The following KCNH7 variants were observed in gnomAD, a reference collection of about 807,000 sequenced individuals.
The protein encoded by KCNH7 is voltage-gated inwardly rectifying potassium channel KCNH7.
Under a neutral mutation model 120.8 loss-of-function variants are expected in KCNH7, and 49 were observed. That is an observed-to-expected ratio of 0.41 (90% CI 0.32 to 0.51). The LOEUF (loss-of-function observed/expected upper bound fraction) is 0.51. Ranked by LOEUF, KCNH7 falls within the 20% of genes least tolerant of loss-of-function variation. The probability of loss-of-function intolerance (pLI) is 0.38; values close to 1 mark genes in which losing one functional copy is unlikely to be tolerated. For missense variants in KCNH7, 1,097 were observed against 1,446.6 expected, an observed-to-expected ratio of 0.76 and a Z score of 3.92; for synonymous variants, 547 against 516.1, an observed-to-expected ratio of 1.06 and a Z score of -0.81.
chr2:162,570,734 G>T (rs569253764), intron 2 of KCNH7, among the ~76,000 whole-genome samples: 13 of 151,998 alleles, frequency 8.6e-5, no homozygotes, highest in African/African-American at 3.1e-4. Flanking sequence ...TGCAAGGCTG[G>T]TTCAATATAT....
intron 6 of KCNH7, among the ~76,000 whole-genome samples, chr2:162,478,474 T>C (rs1225395925): frequency 6.6e-6 from 1 of 152,176 alleles, no homozygotes; most frequent in Admixed American, 6.6e-5. Context: ...ACAATTTTAA[T>C]TACAATATTT....
At chr2:162,808,269 T>C (rs1684618121) in intron 2 of KCNH7, among the ~76,000 whole-genome samples, 1 of 152,190 alleles carries the variant, frequency 6.6e-6, no homozygotes, top group Non-Finnish European at 1.5e-5. Flanking sequence ...GATCCATAGT[T>C]AGTTGACTCT....
At chr2:162,646,475 G>T (rs1684362220) in intron 2 of KCNH7, among the ~76,000 whole-genome samples, 1 of 152,180 alleles carries the variant, frequency 6.6e-6, no homozygotes, top group Admixed American at 6.5e-5. Context: ...AATATAATGA[G>T]ATACCACTCT....
rs568798116 is a variant in KCNH7, at chr2:162,432,905, C to T, written c.1954+2293G>A. ...GATAATATTATTCTCTTCCTATAAA[C>T]AACCAAAAATATTCTAGAAATGATA... On this transcript the variant is annotated intron_variant, in intron 8 of 15. Transcript: ENST00000332142. Among the ~76,000 whole-genome samples, 8 of 152,034 alleles carry T rather than the reference C, an allele frequency of 5.3e-5. No individual in the cohort carries two copies. In the South Asian group the frequency reaches 1.7e-3, roughly 31 times the overall value.
At chr2:162,497,513 C>G (rs1690534160) in intron 6 of KCNH7, among the ~76,000 whole-genome samples, 1 of 152,184 alleles carries the variant, frequency 6.6e-6, no homozygotes, top group Non-Finnish European at 1.5e-5. Context: ...TTTGGTGTCA[C>G]AGTCAAATGT....
At chr2:162,489,532 C>G (rs1690221263) in intron 6 of KCNH7, among the ~76,000 whole-genome samples, 1 of 152,094 alleles carries the variant, frequency 6.6e-6, no homozygotes, top group Non-Finnish European at 1.5e-5. Context: ...CCAGAGACGA[C>G]TAGAAAACAT....
At chr2:162,805,731 G>A (rs1251646042) in intron 2 of KCNH7, among the ~76,000 whole-genome samples, 3 of 152,022 alleles carry the variant, frequency 2.0e-5, no homozygotes, top group African/African-American at 7.2e-5. Context: ...TTCCACTACT[G>A]GATATCTATC....
In KCNH7 at chr2:162,450,599, T is replaced by G. The variant is rs573914640; in HGVS notation, c.1129-4156A>C. ...GTTATTAGGTAATCATCTTAATGAT[T>G]CAGAAGATTCTTATATTTATTGTTT... On this transcript the variant is annotated intron_variant, in intron 6 of 15. Transcript: ENST00000332142. Among the ~76,000 whole-genome samples, 7 of 152,214 alleles carry G rather than the reference T, an allele frequency of 4.6e-5. No individual in the cohort carries two copies. In the South Asian group the frequency reaches 1.5e-3, roughly 32 times the overall value.
Position 162,379,833 on chromosome 2 carries a change from T to C in KCNH7, c.3131+20A>G. 6.2e-7 allele frequency: 1 copy of C among 1,612,116 alleles called. No homozygotes were observed. The highest frequency in any genetic ancestry group is 2.2e-5 in the East Asian group (1 of 44,842). ...TAAGGGGTTGGGTTATGTTCTCCTT[T>C]TGCCCATCACTGCTTATACCTGTTA... On this transcript the variant is annotated intron_variant, in intron 14 of 15. Coordinates refer to ENST00000332142, the MANE Select transcript of KCNH7 (RefSeq NM_033272.4).
rs903429872 is a variant in KCNH7 at position 162,572,261 on chromosome 2, G to C, written c.308-35181C>G. ...GGACATGAACAGACACTTCTCAAAG[G>C]AAGACATTTATGCAGCCAAAAAACA... On this transcript the variant is annotated intron_variant, in intron 2 of 15. Coordinates refer to ENST00000332142, the MANE Select transcript of KCNH7 (RefSeq NM_033272.4). Among the ~76,000 whole-genome samples, 8 of 151,296 alleles carry C rather than the reference G, an allele frequency of 5.3e-5. No homozygotes were observed. The East Asian group carries it at 1.4e-3, about 26-fold the overall frequency.
intron 2 of KCNH7, among the ~76,000 whole-genome samples, chr2:162,767,289 A>T: frequency 6.6e-6 from 1 of 152,154 alleles, no homozygotes; most frequent in Non-Finnish European, 1.5e-5. Context: ...ATAAAAAAAT[A>T]AGCAGTATAT....
At chr2:162,568,380 G>A (rs1693334195) in intron 2 of KCNH7, among the ~76,000 whole-genome samples, 1 of 151,988 alleles carries the variant, frequency 6.6e-6, no homozygotes, top group South Asian at 2.1e-4. Flanking sequence ...TACAGCTTAG[G>A]TGTATAGTAG....
chr2:162,765,161 A>G (rs1682738980), intron 2 of KCNH7, among the ~76,000 whole-genome samples: 1 of 152,162 alleles, frequency 6.6e-6, no homozygotes, highest in Admixed American at 6.6e-5. Context: ...TCTTCAGGGA[A>G]CAAGGTGGAA....
chr2:162,653,140 A>C (rs1684626803), intron 2 of KCNH7, among the ~76,000 whole-genome samples: 1 of 152,228 alleles, frequency 6.6e-6, no homozygotes, highest in Non-Finnish European at 1.5e-5. Context: ...TATGCCACCT[A>C]ACTACATATT....
At chr2:162,582,528 T>A (rs1693907850) in intron 2 of KCNH7, among the ~76,000 whole-genome samples, 1 of 152,056 alleles carries the variant, frequency 6.6e-6, no homozygotes, top group Non-Finnish European at 1.5e-5. Flanking sequence ...ATACAGCGCT[T>A]TGACTCTGCA....
At chr2:162,378,253 G>C (rs1028950668) in intron 14 of KCNH7, among the ~76,000 whole-genome samples, 1 of 152,192 alleles carries the variant, frequency 6.6e-6, no homozygotes, top group African/African-American at 2.4e-5. Context: ...ATGAGTCAAA[G>C]TAGGAAATGG....
At chr2:162,728,576 C>T (rs746246295) in intron 2 of KCNH7, among the ~76,000 whole-genome samples, 41 of 152,038 alleles carry the variant, frequency 2.7e-4, no homozygotes, top group East Asian at 5.8e-4. Context: ...GTCAGGAGTT[C>T]GAGACCAGCC....
At chr2:162,459,007 A>AAATGATAAT (rs1553478962) in intron 6 of KCNH7, among the ~76,000 whole-genome samples, 1 of 134,842 alleles carries the variant, frequency 7.4e-6, no homozygotes, top group Admixed American at 7.7e-5. Context: ...TTCTGTTTCA[A>AAATGATAAT]AATAATAATA....
At chr2:162,421,155 C>G (rs1443244322) in intron 9 of KCNH7, among the ~76,000 whole-genome samples, 1 of 152,010 alleles carries the variant, frequency 6.6e-6, no homozygotes, top group Non-Finnish European at 1.5e-5. Context: ...CTCTCAAAAC[C>G]ACATGCAAGA....
Sources: gnomAD v4.1 joint callset for allele counts (sites outside exome capture counted in the v4.1 genomes callset) on GRCh38, gnomAD v4.1.1 for gene constraint, MANE v1.5 for transcripts, NCBI Gene and HGNC (gene_info 2026-07-23, HGNC 2026-07-21) for gene names.